DNAH5: variants seen among roughly 807,000 people sequenced by gnomAD.
The protein encoded by DNAH5 is dynein axonemal heavy chain 5.
Under a neutral mutation model 518.2 loss-of-function variants are expected in DNAH5, and 372 were observed. The ratio of observed to expected loss-of-function variants is 0.72; its 90% confidence interval spans 0.66 to 0.78. The LOEUF is 0.78. DNAH5 is among the 30% of genes least tolerant of loss of function. DNAH5 has a pLI of 0.00. For synonymous variants in DNAH5, 2,039 were observed against 2,025.9 expected (o/e 1.01, Z -0.17); for missense variants, 5,523 against 5,687.0 (o/e 0.97, Z 0.93).
At chr5:13,923,625 C>T (rs1233390424) in intron 3 of DNAH5, among the ~76,000 whole-genome samples, 185 bp from the exon 4 acceptor site, 2 of 152,118 alleles carry the variant, frequency 1.3e-5, no homozygotes, top group Non-Finnish European at 2.9e-5. Flanking sequence ...TGTTTGATTC[C>T]AGATCATAGG....
At chr5:13,781,038 A>G (rs1288735875) in intron 52 of DNAH5, 79 bp from the exon 53 acceptor site, 1 of 1,495,740 alleles carries the variant, frequency 6.7e-7, no homozygotes, top group Admixed American at 1.8e-5. Flanking sequence ...ATATATGAAT[A>G]AGGCCTAATT....
intron 7 of DNAH5, among the ~76,000 whole-genome samples, chr5:13,918,128 G>C (rs1776842943): frequency 6.6e-6 from 1 of 152,180 alleles, no homozygotes; most frequent in African/African-American, 2.4e-5. Context: ...GTCACTTCCA[G>C]AATTAATTTA....
chr5:13,789,954 C>G (rs1203533955), intron 50 of DNAH5, among the ~76,000 whole-genome samples: 1 of 152,124 alleles, frequency 6.6e-6, no homozygotes. Context: ...AAAAGAAGCT[C>G]AACATCACTC....
At chr5:13,792,325 TAGATAATCACATATAA>T in intron 49 of DNAH5, 108 bp from the exon 50 acceptor site, 1 of 860,300 alleles carries the variant, frequency 1.2e-6, no homozygotes, top group Non-Finnish European at 1.9e-6. Flanking sequence ...TACATTTTAA[TAGATAATCACATATAA>T]AAGAAAAGTA....
At chr5:13,840,523 C>G (rs1259834852) in intron 34 of DNAH5, among the ~76,000 whole-genome samples, 1 of 152,118 alleles carries the variant, frequency 6.6e-6, no homozygotes, top group Non-Finnish European at 1.5e-5. Context: ...TAAGGGAAGT[C>G]CTAAACAGCT....
chr5:13,749,227 C>T (rs146123632), intron 65 of DNAH5, among the ~76,000 whole-genome samples: 10 of 147,620 alleles, frequency 6.8e-5, no homozygotes, highest in East Asian at 2.0e-4. Context: ...TAAAAGAAAA[C>T]GAGTGTCTGT....
intron 44 of DNAH5, among the ~76,000 whole-genome samples, chr5:13,810,766 A>AAC (rs140661995): frequency 2.0e-3 from 130 of 64,072 alleles, no homozygotes; most frequent in Middle Eastern, 6.9e-3. Flanking sequence ...AAAACAAAAC[A>AAC]AACAAACAAA....
At chr5:13,847,775 T>C (rs912478252) in intron 31 of DNAH5, among the ~76,000 whole-genome samples, 2 of 150,056 alleles carry the variant, frequency 1.3e-5, no homozygotes, top group African/African-American at 4.9e-5. Context: ...CGCATGTGTG[T>C]GTGTGTGTCT....
At chr5:13,778,036 A>C (rs564989129) in intron 53 of DNAH5, among the ~76,000 whole-genome samples, 1 of 152,272 alleles carries the variant, frequency 6.6e-6, no homozygotes, top group African/African-American at 2.4e-5. Context: ...GTATAAATAA[A>C]ATTATCCCAA....
chr5:13,716,729 C>CCGTT (rs761611040), intron 73 of DNAH5, 39 bp from the exon 74 acceptor site: 2 of 1,396,224 alleles, frequency 1.4e-6, no homozygotes, highest in Admixed American at 3.4e-5. Context: ...GAACTGACTA[C>CCGTT]CGTTGCATTA....
intron 5 of DNAH5, among the ~76,000 whole-genome samples, chr5:13,921,475 T>TCTCACACA (rs1554103992): frequency 8.4e-4 from 62 of 73,754 alleles, no homozygotes; most frequent in South Asian, 3.7e-3. Flanking sequence ...TATCTCTCTC[T>TCTCACACA]CACACACACA....
chr5:14,002,952 A>G (rs953466164), intron 1 of DNAH5, among the ~76,000 whole-genome samples: 4 of 152,180 alleles, frequency 2.6e-5, no homozygotes, highest in Non-Finnish European at 4.4e-5. Context: ...CTACGATAGT[A>G]ATTGAAAACT....
chr5:13,700,489 A>G (rs1741948833), intron 78 of DNAH5, 151 bp downstream of exon 78: 7 of 755,768 alleles, frequency 9.3e-6, no homozygotes, highest in Non-Finnish European at 1.6e-5. Context: ...AGAAGTCAGT[A>G]AGTCCCCATT....
chr5:13,738,028 A>C (rs1215078447), intron 65 of DNAH5, among the ~76,000 whole-genome samples: 1 of 151,718 alleles, frequency 6.6e-6, no homozygotes, highest in Non-Finnish European at 1.5e-5. Context: ...ATGCAACTGC[A>C]CTCCAGCCTG....
intron 50 of DNAH5, among the ~76,000 whole-genome samples, chr5:13,790,230 T>C (rs558921273): frequency 6.6e-6 from 1 of 152,094 alleles, no homozygotes; most frequent in Non-Finnish European, 1.5e-5. Context: ...TAAATCATTC[T>C]ACTATGCACA....
At chr5:13,813,314 G>C (rs540833212) in intron 43 of DNAH5, among the ~76,000 whole-genome samples, 7 of 152,080 alleles carry the variant, frequency 4.6e-5, no homozygotes, top group African/African-American at 1.7e-4. Context: ...TCCTTAGCTA[G>C]TTGTATAAAA....
intron 1 of DNAH5, among the ~76,000 whole-genome samples, chr5:13,983,395 C>A (rs1782820990): frequency 6.6e-6 from 1 of 152,202 alleles, no homozygotes; most frequent in African/African-American, 2.4e-5. Context: ...TAAAAATAAT[C>A]AAGGACTCCA....
intron 47 of DNAH5, among the ~76,000 whole-genome samples, chr5:13,796,579 T>C (rs190626045): frequency 6.6e-6 from 1 of 152,350 alleles, no homozygotes; most frequent in Non-Finnish European, 1.5e-5. Context: ...GAATATTCCA[T>C]GCTCATGGAT....
Position 13,809,025 on chromosome 5 carries a change from T to C in DNAH5, c.7752+19A>G, listed in dbSNP as rs1561315273. The C allele has an allele frequency of 1.2e-6, 2 of 1,613,682 alleles. No homozygotes were observed. Among genetic ancestry groups the C allele is most frequent in the Non-Finnish European group, 1.7e-6 (2 of 1,179,638 alleles). On this transcript the variant is annotated intron_variant, in intron 46 of 78. Transcript: ENST00000265104. ...TCCCCTTAAAATATGCTACAGTTAATAAAAATTAAAAGTCATACCTTGCCC... is the reference window on the plus strand; with the variant it reads ...TCCCCTTAAAATATGCTACAGTTAACAAAAATTAAAAGTCATACCTTGCCC...
Sources: gnomAD v4.1 joint callset for allele counts (sites outside exome capture counted in the v4.1 genomes callset) on GRCh38, gnomAD v4.1.1 for gene constraint, MANE v1.5 for transcripts, NCBI Gene and HGNC (gene_info 2026-07-23, HGNC 2026-07-21) for gene names.